RP1: variants seen among roughly 807,000 people sequenced by gnomAD.
RP1 encodes the protein RP1 axonemal microtubule associated.
Under a neutral mutation model 14.8 loss-of-function variants are expected in RP1, and 16 were observed. The ratio of observed to expected loss-of-function variants is 1.08; its 90% confidence interval spans 0.73 to 1.65. The LOEUF is 1.65. Among genes scored for constraint, RP1 ranks in the 40% most tolerant of loss-of-function variants. The pLI is 0.00. For missense variants in RP1, 2,631 were observed against 2,535.0 expected (o/e 1.04, Z -0.81); for synonymous variants, 876 against 883.6 (o/e 0.99, Z 0.15).
intron 8 of RP1, among the ~76,000 whole-genome samples, chr8:54,675,236 T>C (rs940368112): frequency 3.3e-5 from 5 of 152,106 alleles, no homozygotes; most frequent in Non-Finnish European, 4.4e-5. Flanking sequence ...TATTATAAGA[T>C]AAAGTAAAAT....
At chr8:54,588,288 A>C (rs1444501928) in intron 1 of RP1, among the ~76,000 whole-genome samples, 4 of 152,300 alleles carry the variant, frequency 2.6e-5, no homozygotes, top group Middle Eastern at 3.4e-3. Context: ...ATTGCAATAA[A>C]ATATATGGAA....
Position 54,776,007 on chromosome 8 carries a change from G to A in RP1, c.3451+5840G>A, listed in dbSNP as rs563971590. Among the ~76,000 whole-genome samples, 40 of 152,078 alleles carry A rather than the reference G, an allele frequency of 2.6e-4. No individual in the cohort carries two copies. The South Asian group carries it at 8.1e-3, about 31-fold the overall frequency. On this transcript the variant is annotated intron_variant, in intron 23 of 28. Coordinates refer to the RP1 transcript ENST00000637698. ...CCCCAGATTCCAACAACCACAGATTGAAAAGTTCCAGAAAAAAACCCAAAC... is the reference window on the plus strand; with the variant it reads ...CCCCAGATTCCAACAACCACAGATTAAAAAGTTCCAGAAAAAAACCCAAAC...
intron 20 of RP1, chr8:54,755,041 A>C (rs1219298722): frequency 8.1e-7 from 1 of 1,239,676 alleles, no homozygotes; most frequent in East Asian, 2.9e-5. Context: ...TCCTGCTTCT[A>C]AGAGAGTTGT....
chr8:54,671,469 G>A (rs189841066), intron 7 of RP1, among the ~76,000 whole-genome samples: 12 of 152,060 alleles, frequency 7.9e-5, no homozygotes, highest in Admixed American at 7.9e-4. Context: ...TAATGCATAT[G>A]TTGGCCTGCT....
Position 54,629,744 on chromosome 8 carries a change from A to G in RP1, c.5862A>G (p.Lys1954=). 6.2e-7 allele frequency: 1 copy of G among 1,611,446 alleles called. No homozygotes were observed. The highest frequency in any genetic ancestry group is 8.5e-7 in the Non-Finnish European group (1 of 1,178,696). The change falls in exon 4 of 4, where the codon AAA becomes AAG. Residue 1954 remains lysine, a synonymous_variant. Transcript: ENST00000220676. Reference sequence around the variant, plus strand: ...TCTTGGGTTTTTATTTATGGATGAAAATACACCCATATTTACTTCAGACAG... The same window carrying G: ...TCTTGGGTTTTTATTTATGGATGAAGATACACCCATATTTACTTCAGACAG... ...ENFLGFYLWM[K]IHPYLLQTDK...
At chr8:54,613,181 G>A (rs16920600), upstream of RP1, among the ~76,000 whole-genome samples, 4,619 of 152,286 alleles carry the variant, frequency 0.03, 207 homozygotes, top group African/African-American at 0.098. Flanking sequence ...TTTTAAGGTA[G>A]AGGCCATTTA....
chr8:54,847,975 T>C (rs767626731), intron 25 of RP1, among the ~76,000 whole-genome samples: 1 of 152,204 alleles, frequency 6.6e-6, no homozygotes, highest in Non-Finnish European at 1.5e-5. Flanking sequence ...TGGCCTCTAG[T>C]CCTGTAAAAA....
intron 3 of RP1, among the ~76,000 whole-genome samples, chr8:54,648,565 A>G (rs1806592456): frequency 6.6e-6 from 1 of 152,144 alleles, no homozygotes; most frequent in South Asian, 2.1e-4. Flanking sequence ...TTTATTTTGG[A>G]AAAAAGACAT....
At chr8:54,658,789 A>C (rs1168470463) in intron 6 of RP1, among the ~76,000 whole-genome samples, 1 of 151,970 alleles carries the variant, frequency 6.6e-6, no homozygotes, top group Non-Finnish European at 1.5e-5. Flanking sequence ...TTCCATTTTA[A>C]ATTTTTTGAG....
At chr8:54,662,679 CCAGTACCTATTTCCAGGTCT>C (rs1161762633) in intron 6 of RP1, among the ~76,000 whole-genome samples, 1 of 152,120 alleles carries the variant, frequency 6.6e-6, no homozygotes, top group Admixed American at 6.5e-5. Context: ...ATCTGAGGTC[CCAGTACCTATTTCCAGGTCT>C]CTGGTGCATT....
At chr8:54,574,810 T>C (rs1375887565) in intron 1 of RP1, among the ~76,000 whole-genome samples, 1 of 152,168 alleles carries the variant, frequency 6.6e-6, no homozygotes, top group Non-Finnish European at 1.5e-5. Flanking sequence ...TTGGGTTACC[T>C]AGGAACGAAA....
At chr8:54,739,167 C>G in intron 19 of RP1, 1 of 472,958 alleles carries the variant, frequency 2.1e-6, no homozygotes, top group Non-Finnish European at 3.7e-6. Context: ...CCTCTGTAAA[C>G]TCATGGTAAA....
At chr8:54,751,285 A>C (rs1272245676) in intron 19 of RP1, among the ~76,000 whole-genome samples, 1 of 152,232 alleles carries the variant, frequency 6.6e-6, no homozygotes, top group Non-Finnish European at 1.5e-5. Context: ...TTGGTGAGAT[A>C]TGATGGCAGT....
At chr8:54,860,294 A>G (rs535107899) in intron 27 of RP1, among the ~76,000 whole-genome samples, 21 of 152,346 alleles carry the variant, frequency 1.4e-4, no homozygotes, top group African/African-American at 4.6e-4. Flanking sequence ...TCATTAACAA[A>G]AAAATGTGCA....
At chr8:54,859,425 T>A (rs1482650922) in intron 27 of RP1, among the ~76,000 whole-genome samples, 1 of 150,780 alleles carries the variant, frequency 6.6e-6, no homozygotes, top group East Asian at 2.0e-4. Context: ...CAGGGTGGTG[T>A]CACTGTACAG....
rs926796441 is a variant in RP1 at position 54,701,732 on chromosome 8, G to A, written c.1998+70G>A. ...CTTTCTTTTGCCCTATTGAGCAAAA[G>A]TCTTAAATTGAGTCATAATGCAGTA... On this transcript the variant is annotated intron_variant, in intron 14 of 22. Transcript: ENST00000636932. 18 of 1,381,404 alleles carry A rather than the reference G, an allele frequency of 1.3e-5. No homozygotes were observed. In the African/African-American group the frequency reaches 1.9e-4, roughly 14 times the overall value. The allele number at this position is 1,381,404 out of a possible 1,614,324, so 85.6% of individuals were successfully genotyped here. A position where few individuals can be genotyped will look rare whatever the true frequency, so the allele number is the denominator to read the frequency against.
intron 17 of RP1, among the ~76,000 whole-genome samples, chr8:54,728,748 AT>A (rs1808721294): frequency 6.6e-6 from 1 of 152,178 alleles, no homozygotes; most frequent in African/African-American, 2.4e-5. Context: ...GCATTATGAT[AT>A]TAATTTTGTT....
intron 24 of RP1, among the ~76,000 whole-genome samples, chr8:54,794,184 C>T (rs1407343541): frequency 1.3e-5 from 2 of 151,484 alleles, no homozygotes; most frequent in Non-Finnish European, 3.0e-5. Flanking sequence ...ATTTCAATAG[C>T]ATTTTTGACA....
At chr8:54,816,311 C>G (rs1432685803) in intron 24 of RP1, among the ~76,000 whole-genome samples, 2 of 152,102 alleles carry the variant, frequency 1.3e-5, no homozygotes, top group Admixed American at 1.3e-4. Context: ...CTCTGTAAGG[C>G]TAAAAGCTCC....
Sources: allele counts gnomAD v4.1 joint callset (sites outside exome capture counted in the v4.1 genomes callset), GRCh38; gene constraint gnomAD v4.1.1; transcripts MANE v1.5; gene names NCBI Gene and HGNC (gene_info 2026-07-23, HGNC 2026-07-21).